The following CNTN4 variants were observed in gnomAD, a reference collection of about 807,000 sequenced individuals.
The protein encoded by CNTN4 is contactin 4.
CNTN4 carries 77 observed loss-of-function variants against 122.5 expected under a neutral mutation model. The ratio of observed to expected loss-of-function variants is 0.63; its 90% confidence interval spans 0.52 to 0.76. CNTN4 has a LOEUF of 0.76. CNTN4 is among the 30% of genes least tolerant of loss of function. The pLI is 0.00. For synonymous variants in CNTN4, 512 were observed against 447.0 expected (o/e 1.15, Z -1.83); for missense variants, 1,256 against 1,259.1 (o/e 1.00, Z 0.04).
intron 4 of CNTN4, among the ~76,000 whole-genome samples, chr3:2,644,902 GTTCCCAAGACACAGGC>G (rs2083052958): frequency 6.7e-6 from 1 of 150,182 alleles, no homozygotes; most frequent in South Asian, 2.1e-4. Flanking sequence ...TATTCTGCTT[GTTCCCAAGACACAGGC>G]TTCATGAATT....
At chr3:2,909,001 G>A (rs1055505477) in intron 12 of CNTN4, among the ~76,000 whole-genome samples, 1 of 152,124 alleles carries the variant, frequency 6.6e-6, no homozygotes, top group East Asian at 1.9e-4. Flanking sequence ...CGATTATCTG[G>A]TTAATTTGGC....
intron 3 of CNTN4, among the ~76,000 whole-genome samples, chr3:2,388,787 G>A (rs112217215): frequency 6.6e-6 from 1 of 151,764 alleles, no homozygotes; most frequent in African/African-American, 2.4e-5. Context: ...AGAGGTTGCA[G>A]TGAACCGAGA....
intron 3 of CNTN4, among the ~76,000 whole-genome samples, chr3:2,343,420 G>T (rs150416374): frequency 6.6e-6 from 1 of 152,108 alleles, no homozygotes; most frequent in Non-Finnish European, 1.5e-5. Context: ...CCAATCAGAC[G>T]TTTGCATAGG....
At chr3:2,294,288 C>CTTTTTTT (rs71058604) in intron 2 of CNTN4, among the ~76,000 whole-genome samples, 4 of 135,614 alleles carry the variant, frequency 2.9e-5, no homozygotes, top group Non-Finnish European at 4.8e-5. Flanking sequence ...AGAGTTGTGA[C>CTTTTTTT]TTTTTTTTTT....
At chr3:2,627,695 G>C (rs148709738) in intron 4 of CNTN4, among the ~76,000 whole-genome samples, 18 of 151,788 alleles carry the variant, frequency 1.2e-4, no homozygotes, top group East Asian at 7.8e-4. Flanking sequence ...GGGTTTCACC[G>C]TGTTAGCCAG....
chr3:2,427,345 G>C (rs575809528), intron 3 of CNTN4, among the ~76,000 whole-genome samples: 1 of 152,174 alleles, frequency 6.6e-6, no homozygotes, highest in African/African-American at 2.4e-5. Flanking sequence ...TAGTCATTCA[G>C]GAGCAGGTTG....
chr3:2,874,778 C>T (rs2093824738), intron 8 of CNTN4, among the ~76,000 whole-genome samples: 1 of 152,152 alleles, frequency 6.6e-6, no homozygotes, highest in Non-Finnish European at 1.5e-5. Flanking sequence ...AAGAGTCAGA[C>T]AATCTAAGAT....
intron 2 of CNTN4, among the ~76,000 whole-genome samples, chr3:2,271,766 G>A (rs1035890978): frequency 6.6e-6 from 1 of 152,118 alleles, no homozygotes; most frequent in Non-Finnish European, 1.5e-5. Flanking sequence ...TAAGAATTAT[G>A]AGGCAACTAT....
rs140418475 is a variant in CNTN4 at position 2,170,298 on chromosome 3, C to T, written c.-145+69659C>T. 6.3e-3 allele frequency among the ~76,000 whole-genome samples: 949 copies of T among 151,604 alleles called. 6 individuals are homozygous for T. The highest frequency in any genetic ancestry group is 0.022 in the African/African-American group (919 of 41,314). On this transcript the variant is annotated intron_variant, in intron 2 of 24. Transcript: ENST00000418658. ...TCGCGCCACCGCACTCCAGCCTGGG[C>T]GACACACCAAGACTCCGTCTCAAAA... is the stretch of plus-strand genomic sequence containing the variant.
intron 4 of CNTN4, among the ~76,000 whole-genome samples, chr3:2,723,256 C>T (rs969683926): frequency 6.6e-6 from 1 of 152,102 alleles, no homozygotes; most frequent in Non-Finnish European, 1.5e-5. Flanking sequence ...GGATACACCA[C>T]CTAATCTTTG....
At chr3:2,769,632 C>T (rs1487295813) in intron 6 of CNTN4, among the ~76,000 whole-genome samples, 1 of 151,984 alleles carries the variant, frequency 6.6e-6, no homozygotes, top group Non-Finnish European at 1.5e-5. Flanking sequence ...TTTTAGTATC[C>T]ATAGTTAGAA....
chr3:3,018,269 A>AT (rs769901464), intron 14 of CNTN4, among the ~76,000 whole-genome samples: 113 of 152,314 alleles, frequency 7.4e-4, no homozygotes, highest in African/African-American at 2.2e-3. Flanking sequence ...CAATGTTTAA[A>AT]TTTTAGGGAA....
intron 14 of CNTN4, among the ~76,000 whole-genome samples, chr3:3,024,163 A>G (rs539590588): frequency 6.6e-6 from 1 of 152,212 alleles, no homozygotes; most frequent in Non-Finnish European, 1.5e-5. Context: ...GAAAATCTAA[A>G]TTGCAGAATC....
intron 7 of CNTN4, among the ~76,000 whole-genome samples, chr3:2,842,549 A>G (rs932325387): frequency 5.3e-5 from 8 of 152,154 alleles, no homozygotes; most frequent in African/African-American, 1.9e-4. Flanking sequence ...CTCAATTTCT[A>G]TGCTCCTCTT....
chr3:2,982,037 C>CA (rs1462947013), intron 13 of CNTN4, among the ~76,000 whole-genome samples: 1 of 151,890 alleles, frequency 6.6e-6, no homozygotes. Flanking sequence ...GACTCTGTCT[C>CA]AAAAAACAAA....
chr3:2,779,093 G>A (rs1042717543), intron 6 of CNTN4, among the ~76,000 whole-genome samples: 13 of 152,174 alleles, frequency 8.5e-5, no homozygotes, highest in African/African-American at 3.1e-4. Context: ...GACAATGAAA[G>A]CATTTTCAGG....
At chr3:2,331,840 T>C (rs2043736739) in intron 2 of CNTN4, among the ~76,000 whole-genome samples, 1 of 152,126 alleles carries the variant, frequency 6.6e-6, no homozygotes, top group South Asian at 2.1e-4. Flanking sequence ...CTATATAAAC[T>C]GCATGCCCTT....
At chr3:2,956,729 A>G (rs1300814878) in intron 13 of CNTN4, among the ~76,000 whole-genome samples, 1 of 151,960 alleles carries the variant, frequency 6.6e-6, no homozygotes, top group Non-Finnish European at 1.5e-5. Flanking sequence ...TGTACATTAG[A>G]CCCCCGGAAT....
Position 2,305,689 on chromosome 3 carries a change from G to C in CNTN4, c.-144-33489G>C, listed in dbSNP as rs149268845. Among the ~76,000 whole-genome samples the C allele has an allele frequency of 6.0e-3, 913 of 152,084 alleles. 9 individuals carry two copies. Among genetic ancestry groups the C allele is most frequent in the African/African-American group, 0.021 (864 of 41,500 alleles). Reference sequence around the variant, plus strand: ...CCTTTTTAAAGTACGCAAGTCAGTGGTTTGTAGTATATTCTCAGATTGTGC... The same window carrying C: ...CCTTTTTAAAGTACGCAAGTCAGTGCTTTGTAGTATATTCTCAGATTGTGC... On this transcript the variant is annotated intron_variant, in intron 2 of 24. Transcript: ENST00000418658.
Sources: allele counts gnomAD v4.1 joint callset (sites outside exome capture counted in the v4.1 genomes callset), GRCh38; gene constraint gnomAD v4.1.1; transcripts MANE v1.5; gene names NCBI Gene and HGNC (gene_info 2026-07-23, HGNC 2026-07-21).